ZNF521: variants seen among roughly 807,000 people sequenced by gnomAD.
ZNF521 encodes zinc finger protein 521.
In ZNF521, 14 loss-of-function variants were observed where a neutral mutation model predicts 105.5. That is an observed-to-expected ratio of 0.13 (90% CI 0.09 to 0.21). The LOEUF (loss-of-function observed/expected upper bound fraction) is 0.21, where lower values mean the gene tolerates loss of function less well. ZNF521 is among the 10% of genes least tolerant of loss of function. ZNF521 has a pLI of 1.00. For synonymous variants in ZNF521, 635 were observed against 606.0 expected, an observed-to-expected ratio of 1.05 and a Z score of -0.70; for missense variants, 1,233 against 1,629.7, an observed-to-expected ratio of 0.76 and a Z score of 4.19.
At chr18:25,194,945 A>G (rs1395222243) in intron 5 of ZNF521, among the ~76,000 whole-genome samples, 2 of 151,742 alleles carry the variant, frequency 1.3e-5, no homozygotes, top group Non-Finnish European at 3.0e-5. Flanking sequence ...GGCAGTAGAT[A>G]TATAATCCTC....
chr18:25,131,651 A>G (rs2034643106), intron 5 of ZNF521, among the ~76,000 whole-genome samples: 1 of 152,148 alleles, frequency 6.6e-6, no homozygotes, highest in Non-Finnish European at 1.5e-5. Context: ...TATCCCTCGT[A>G]TCTAGCCCAG....
At chr18:25,289,056 C>T (rs1910864977) in intron 3 of ZNF521, among the ~76,000 whole-genome samples, 1 of 152,152 alleles carries the variant, frequency 6.6e-6, no homozygotes, top group Non-Finnish European at 1.5e-5. Context: ...GAAATTACAG[C>T]AACAACATAT....
At chr18:25,088,430 A>G (rs942953970) in intron 7 of ZNF521, among the ~76,000 whole-genome samples, 1 of 151,884 alleles carries the variant, frequency 6.6e-6, no homozygotes, top group African/African-American at 2.4e-5. Flanking sequence ...CGTGTTAGCC[A>G]GGATGGTATC....
rs1905831095 is a variant in ZNF521 at position 25,222,936 on chromosome 18, A to C, written c.3573+1409T>G. On this transcript the variant is annotated intron_variant, in intron 4 of 7. Transcript: ENST00000361524. ...CATGTGGCTGAAGTTGATTTTAAAA[A>C]GGGGTGCAGAGAGAGAGAAAACGCT... Among the ~76,000 whole-genome samples, 3 of 152,316 alleles carry C rather than the reference A, an allele frequency of 2.0e-5. No individual in the cohort carries two copies. In the South Asian group the frequency reaches 6.2e-4, roughly 32 times the overall value.
chr18:25,189,634 A>T (rs2035785234), intron 5 of ZNF521, among the ~76,000 whole-genome samples: 1 of 152,136 alleles, frequency 6.6e-6, no homozygotes, highest in African/African-American at 2.4e-5. Context: ...CACTGCACAC[A>T]ACTTAAAATC....
At chr18:25,185,449 G>A (rs1045227333) in intron 5 of ZNF521, among the ~76,000 whole-genome samples, 4 of 152,044 alleles carry the variant, frequency 2.6e-5, no homozygotes, top group East Asian at 1.9e-4. Context: ...TGTACCGGTC[G>A]CCAACAGTAA....
At chr18:25,083,269 A>G (rs1233570949) in intron 7 of ZNF521, among the ~76,000 whole-genome samples, 2 of 152,350 alleles carry the variant, frequency 1.3e-5, no homozygotes, top group Admixed American at 6.5e-5. Flanking sequence ...ATGTTTAAAA[A>G]TAAGAATTTT....
intron 5 of ZNF521, among the ~76,000 whole-genome samples, chr18:25,104,718 C>T (rs192933758): frequency 2.2e-3 from 336 of 152,130 alleles, no homozygotes; most frequent in African/African-American, 7.7e-3. Flanking sequence ...AAACAGGAGA[C>T]GTAGGGTCTG....
chr18:25,063,046 G>A (rs533530170), intron 7 of ZNF521, among the ~76,000 whole-genome samples: 53 of 152,274 alleles, frequency 3.5e-4, no homozygotes, highest in African/African-American at 1.2e-3. Context: ...AATGTGAGAT[G>A]GCTGGCTGGC....
chr18:25,269,355 C>T (rs1327814267), intron 3 of ZNF521, among the ~76,000 whole-genome samples: 1 of 152,104 alleles, frequency 6.6e-6, no homozygotes, highest in Non-Finnish European at 1.5e-5. Context: ...CTTTATTGAC[C>T]CCACTGTCAA....
At chr18:25,249,406 C>T (rs368255210) in intron 3 of ZNF521, among the ~76,000 whole-genome samples, 5 of 151,822 alleles carry the variant, frequency 3.3e-5, no homozygotes, top group African/African-American at 1.2e-4. Context: ...ATTCACCCAC[C>T]TCAGCCTCCC....
chr18:25,240,623 C>CT (rs1157412548), intron 3 of ZNF521, among the ~76,000 whole-genome samples: 1 of 152,110 alleles, frequency 6.6e-6, no homozygotes, highest in East Asian at 1.9e-4. Flanking sequence ...TGTTGAAGAG[C>CT]TTGATCTTCT....
chr18:25,266,752 C>G (rs1370756226), intron 3 of ZNF521, among the ~76,000 whole-genome samples: 2 of 152,192 alleles, frequency 1.3e-5, no homozygotes, highest in Non-Finnish European at 2.9e-5. Context: ...TCTTCACAAC[C>G]CACAGACCAG....
At chr18:25,091,316 TGA>T (rs1233903712) in intron 6 of ZNF521, among the ~76,000 whole-genome samples, 2 of 152,166 alleles carry the variant, frequency 1.3e-5, no homozygotes, top group South Asian at 2.1e-4. Context: ...GGGCTTCAAA[TGA>T]GAGTTTCAGA....
intron 4 of ZNF521, chr18:25,202,312 T>C (rs1416749770): frequency 6.6e-6 from 1 of 152,174 alleles, no homozygotes; most frequent in African/African-American, 2.4e-5. Flanking sequence ...ATAAGAATAA[T>C]CAAATAAAAA....
chr18:25,129,572 G>T (rs2034602741), intron 5 of ZNF521, among the ~76,000 whole-genome samples: 1 of 151,696 alleles, frequency 6.6e-6, no homozygotes, highest in Admixed American at 6.6e-5. Context: ...GAATATATTT[G>T]CAAACACATG....
chr18:25,242,737 C>G (rs1227755085), intron 3 of ZNF521, among the ~76,000 whole-genome samples: 1 of 152,118 alleles, frequency 6.6e-6, no homozygotes, highest in African/African-American at 2.4e-5. Context: ...TTGTTCTATA[C>G]TGTGAATACA....
Position 25,288,964 on chromosome 18 carries a change from T to A in ZNF521, c.220+33044A>T, listed in dbSNP as rs770026019. ...TATGTTTTCTAAAACTTAAGGCTAT[T>A]GATAATAAAAGCATTTTTTTTAACT... is the stretch of plus-strand genomic sequence containing the variant. On this transcript the variant is annotated intron_variant, in intron 3 of 7. Transcript: ENST00000361524. 1.4e-4 allele frequency among the ~76,000 whole-genome samples: 21 copies of A among 152,236 alleles called. No homozygotes were observed. In the South Asian group the frequency reaches 1.7e-3, roughly 12 times the overall value.
In ZNF521 at chr18:25,322,123, C is replaced by A; in HGVS notation, c.105G>T (p.Pro35=). Residue 35 remains proline (P), a synonymous_variant, in exon 3 of 8, where the codon CCG becomes CCT. Coordinates refer to ENST00000361524, the MANE Select transcript of ZNF521 (RefSeq NM_015461.3). ...DGEALDCKKR[P]EDGEELEDEA... ...CGTCTTCCAACTCCTCCCCGTCTTCCGGCCTCTTCTTACAATCTAGTGCCT... is the reference window on the plus strand; with the variant it reads ...CGTCTTCCAACTCCTCCCCGTCTTCAGGCCTCTTCTTACAATCTAGTGCCT... 5 of 1,614,152 alleles carry A rather than the reference C, an allele frequency of 3.1e-6. No individual in the cohort carries two copies. Among genetic ancestry groups the A allele is most frequent in the Non-Finnish European group, 3.4e-6 (4 of 1,180,016 alleles).
Sources: gnomAD v4.1 joint callset for allele counts (sites outside exome capture counted in the v4.1 genomes callset) on GRCh38, gnomAD v4.1.1 for gene constraint, MANE v1.5 for transcripts, NCBI Gene and HGNC (gene_info 2026-07-23, HGNC 2026-07-21) for gene names.